PAX8: variants seen among roughly 807,000 people sequenced by gnomAD.
PAX8 encodes paired box 8.
In PAX8, 15 loss-of-function variants were observed where a neutral mutation model predicts 52.4. The ratio of observed to expected loss-of-function variants is 0.29; its 90% CI spans 0.19 to 0.44. PAX8 has a LOEUF of 0.44. PAX8 is among the 20% of genes least tolerant of loss of function. PAX8 has a pLI of 1.00. For missense variants in PAX8, 554 were observed against 602.5 expected (o/e 0.92, Z 0.84); for synonymous variants, 284 against 249.7 (o/e 1.14, Z -1.29).
chr2:113,236,991 G>C, intron 7 of PAX8: 3 of 502,138 alleles, frequency 6.0e-6, no homozygotes, highest in Non-Finnish European at 1.1e-5. Context: ...ACCCTGGTTG[G>C]ATGGCTGGTC....
chr2:113,249,113 G>A (rs1034696407), intron 2 of PAX8, among the ~76,000 whole-genome samples: 10 of 152,254 alleles, frequency 6.6e-5, no homozygotes, highest in African/African-American at 1.9e-4. Context: ...CTTGGGCACA[G>A]CTTCCACCTA....
In PAX8 at chr2:113,218,483, C is replaced by A; in HGVS notation, c.*50G>T. 8.8e-7 allele frequency: 1 copy of A among 1,141,524 alleles called. No individual in the cohort carries two copies. Among genetic ancestry groups the A allele is most frequent in the Middle Eastern group, 2.0e-4 (1 of 5,016 alleles). The allele number at this position is 1,141,524 out of a possible 1,614,324, so 70.7% of individuals were successfully genotyped here. On this transcript the variant is annotated 3_prime_UTR_variant, in exon 12 of 12. Transcript: ENST00000429538. The stretch of plus-strand genomic sequence containing the variant: ...TTTGTGTGACTCTCTGGGGCCTGTC[C>A]CAGGCTGAGTCCTCCTGTTGCTCAG...
rs1690971477 is a variant in PAX8, at chr2:113,242,785, TGAAGA to T, written c.390-12_390-8del. On this transcript the variant is annotated splice_region_variant and splice_polypyrimidine_tract_variant and intron_variant, in intron 4 of 11. Coordinates refer to ENST00000429538, the MANE Select transcript of PAX8 (RefSeq NM_003466.4). ...CACTTTGGTCCGGATGATTCTGTGA[TGAAGA>T]GAAGAAAGGCCATGAGAGAGAAGAG... 1.9e-6 allele frequency: 3 copies of T among 1,610,506 alleles called. No individual in the cohort carries two copies. The highest frequency in any genetic ancestry group is 1.7e-5 in the Admixed American group (1 of 59,992).
chr2:113,272,794 C>G (rs569332912), intron 2 of PAX8: 1 of 152,182 alleles, frequency 6.6e-6, no homozygotes. Flanking sequence ...ATCCCTCCCG[C>G]AAAGAACTCT....
At chr2:113,230,662 A>C (rs1689837401) in intron 9 of PAX8, 1 of 152,180 alleles carries the variant, frequency 6.6e-6, no homozygotes, top group South Asian at 2.1e-4. Context: ...ATGGCACAAT[A>C]AACTCTCCCA....
intron 2 of PAX8, among the ~76,000 whole-genome samples, chr2:113,276,886 G>A (rs749951295): frequency 2.6e-5 from 4 of 152,194 alleles, no homozygotes; most frequent in African/African-American, 4.8e-5. Flanking sequence ...CATTGCACCA[G>A]CTTGGCATGG....
chr2:113,267,982 G>A (rs1324619242), intron 2 of PAX8: 1 of 152,226 alleles, frequency 6.6e-6, no homozygotes, highest in East Asian at 1.9e-4. Flanking sequence ...ATCTAAGGAG[G>A]CACTTGCTCT....
chr2:113,264,786 G>A (rs1692939613), intron 2 of PAX8, among the ~76,000 whole-genome samples: 1 of 152,236 alleles, frequency 6.6e-6, no homozygotes, highest in Admixed American at 6.5e-5. Context: ...GTCTTGGGAA[G>A]GAGGTGGAGC....
At chr2:113,276,482 T>A (rs1239956575) in intron 2 of PAX8, 5 of 152,030 alleles carry the variant, frequency 3.3e-5, no homozygotes, top group Admixed American at 3.3e-4. Context: ...GGCAGAGGGC[T>A]CCCTCCCAAA....
chr2:113,247,497 C>T (rs1691427183), intron 2 of PAX8, among the ~76,000 whole-genome samples: 1 of 150,968 alleles, frequency 6.6e-6, no homozygotes, highest in African/African-American at 2.4e-5. Flanking sequence ...GGACTTCTGG[C>T]CTGAATGACC....
chr2:113,245,470 CT>C (rs1423841826), intron 3 of PAX8, among the ~76,000 whole-genome samples: 2 of 152,164 alleles, frequency 1.3e-5, no homozygotes, highest in Admixed American at 6.5e-5. Context: ...CCTCACCCCC[CT>C]GGTCACTGGT....
At chr2:113,276,020 C>CGTGT in intron 2 of PAX8, 1 of 152,248 alleles carries the variant, frequency 6.6e-6, no homozygotes, top group Non-Finnish European at 1.5e-5. Flanking sequence ...CGCGGAAAGC[C>CGTGT]GTGTGGCCGC....
intron 2 of PAX8, among the ~76,000 whole-genome samples, chr2:113,258,345 C>T (rs553998442): frequency 1.3e-5 from 2 of 152,262 alleles, no homozygotes; most frequent in Non-Finnish European, 2.9e-5. Flanking sequence ...GGTTTGCATC[C>T]CTGCCCTCAG....
Position 113,239,070 on chromosome 2 carries a change from CT to C in PAX8, c.778-2350del, listed in dbSNP as rs35990380. On this transcript the variant is annotated intron_variant, in intron 7 of 11. Transcript: ENST00000429538. Reference sequence around the variant, plus strand: ...TTTCTGATGAACACTTCCCCCTGCCCTTTTTTTTTTTTTTTCAGATGGAGCC... The same window carrying C: ...TTTCTGATGAACACTTCCCCCTGCCCTTTTTTTTTTTTTTCAGATGGAGCC... 376 of 137,196 alleles carry C rather than the reference CT, an allele frequency of 2.7e-3. 1 individual carries two copies. Among genetic ancestry groups the C allele is most frequent in the African/African-American group, 7.3e-3 (274 of 37,530 alleles). 8.5% of individuals were successfully genotyped at this position (137,196 alleles called of 1,614,324 possible). A position where few individuals can be genotyped will look rare whatever the true frequency, so the allele number is the denominator to read the frequency against.
chr2:113,234,363 A>C (rs1256176265), intron 9 of PAX8, among the ~76,000 whole-genome samples: 5 of 152,208 alleles, frequency 3.3e-5, no homozygotes. Flanking sequence ...GGTCTGACTC[A>C]TGCAGTGCAG....
chr2:113,275,426 A>G (rs1006786819), intron 2 of PAX8: 1 of 152,338 alleles, frequency 6.6e-6, no homozygotes, highest in Admixed American at 6.5e-5. Flanking sequence ...ACCTGGGAAG[A>G]AAACAGATCC....
At chr2:113,233,485 C>T (rs1371842429) in intron 9 of PAX8, among the ~76,000 whole-genome samples, 3 of 152,088 alleles carry the variant, frequency 2.0e-5, no homozygotes, top group African/African-American at 4.8e-5. Flanking sequence ...TGAGACCATT[C>T]TGGCTAACAT....
rs150296054 is a variant in PAX8, at chr2:113,221,191, A to G, written c.1190-1013T>C. ...CACTGTTGTTAAATGTCAGAGTAGA[A>G]CTCGACCTTAGGGCTCTTGACTCCA... On this transcript the variant is annotated intron_variant, in intron 10 of 11. Coordinates refer to ENST00000429538, the MANE Select transcript of PAX8 (RefSeq NM_003466.4). Among the ~76,000 whole-genome samples, 356 of 152,184 alleles carry G rather than the reference A, an allele frequency of 2.3e-3. 1 individual carries two copies. Among genetic ancestry groups the G allele is most frequent in the African/African-American group, 8.2e-3 (342 of 41,490 alleles).
intron 9 of PAX8, among the ~76,000 whole-genome samples, chr2:113,230,310 C>G (rs1341022037): frequency 6.6e-6 from 1 of 152,244 alleles, no homozygotes. Context: ...GTTCTATTAC[C>G]TGAACCTGCT....
Sources: allele counts gnomAD v4.1 joint callset (sites outside exome capture counted in the v4.1 genomes callset), GRCh38; gene constraint gnomAD v4.1.1; transcripts MANE v1.5; gene names NCBI Gene and HGNC (gene_info 2026-07-23, HGNC 2026-07-21).